Variants in CPNE4 observed in about 807,000 individuals in gnomAD.
CPNE4 encodes copine-4.
A neutral mutation model predicts 67.9 loss-of-function variants in CPNE4; 25 were observed. That is an observed-to-expected ratio of 0.37 (90% CI 0.27 to 0.51). The LOEUF (loss-of-function observed/expected upper bound fraction) is 0.51. Ranked by LOEUF, CPNE4 falls within the 20% of genes least tolerant of loss-of-function variation. CPNE4 has a pLI of 0.93. For missense variants in CPNE4, 464 were observed against 690.8 expected (o/e 0.67, Z 3.68); for synonymous variants, 242 against 244.9 (o/e 0.99, Z 0.11).
chr3:131,850,977 C>T (rs1188385448), intron 2 of CPNE4, among the ~76,000 whole-genome samples: 1 of 152,074 alleles, frequency 6.6e-6, no homozygotes, highest in Non-Finnish European at 1.5e-5. Context: ...TACCTCCTCC[C>T]ACTTCTCCCG....
At chr3:131,819,167 A>T (rs2107964046) in intron 2 of CPNE4, among the ~76,000 whole-genome samples, 1 of 152,298 alleles carries the variant, frequency 6.6e-6, no homozygotes, top group East Asian at 1.9e-4. Flanking sequence ...AAGATATACG[A>T]TTCCAAAAGT....
chr3:131,542,929 A>G (rs72997269), intron 14 of CPNE4, 136 bp from the exon 15 acceptor site: 14,803 of 638,178 alleles, frequency 0.023, 550 homozygotes, highest in African/African-American at 0.11. Context: ...CATTTTTTGA[A>G]TGTGCTGATA....
At chr3:131,733,370 C>T (rs2082168700) in intron 2 of CPNE4, among the ~76,000 whole-genome samples, 1 of 152,214 alleles carries the variant, frequency 6.6e-6, no homozygotes, top group African/African-American at 2.4e-5. Flanking sequence ...ACTTTCTCTT[C>T]CTCCTCTTGT....
chr3:131,594,620 G>C (rs1582862486), intron 7 of CPNE4, among the ~76,000 whole-genome samples: 1 of 152,144 alleles, frequency 6.6e-6, no homozygotes, highest in East Asian at 1.9e-4. Context: ...TAAGGATAAA[G>C]TCTTGACATT....
chr3:131,978,154 T>TAAAAAAGGA, intron 1 of CPNE4, among the ~76,000 whole-genome samples: 1 of 71,404 alleles, frequency 1.4e-5, no homozygotes, highest in Non-Finnish European at 2.2e-5. Flanking sequence ...ATATAAAATA[T>TAAAAAAGGA]ATAAATATAT....
At chr3:131,789,033 C>CAGAGAG (rs1253711177) in intron 2 of CPNE4, among the ~76,000 whole-genome samples, 61 of 144,324 alleles carry the variant, frequency 4.2e-4, no homozygotes, top group African/African-American at 1.5e-3. Context: ...CACACACACA[C>CAGAGAG]ACAGAGAGAG....
upstream of CPNE4, among the ~76,000 whole-genome samples, chr3:132,036,184 G>A (rs768011026): frequency 2.6e-5 from 4 of 152,110 alleles, no homozygotes; most frequent in Non-Finnish European, 5.9e-5. Flanking sequence ...CACTAAACAT[G>A]GACCCTGGAA....
chr3:131,723,668 TTTA>T (rs1400407244), intron 2 of CPNE4, 43 bp from the exon 3 acceptor site: 1 of 1,535,344 alleles, frequency 6.5e-7, no homozygotes, highest in African/African-American at 1.4e-5. Flanking sequence ...AAGGATTATT[TTTA>T]TTATTACCGT....
chr3:131,758,103 G>A (rs1291343914), intron 2 of CPNE4, among the ~76,000 whole-genome samples: 1 of 152,214 alleles, frequency 6.6e-6, no homozygotes, highest in Non-Finnish European at 1.5e-5. Flanking sequence ...CCCTACTGGG[G>A]CACCACCTAG....
intron 2 of CPNE4, among the ~76,000 whole-genome samples, chr3:131,798,349 T>A (rs1458823858): frequency 6.6e-6 from 1 of 152,154 alleles, no homozygotes; most frequent in Non-Finnish European, 1.5e-5. Context: ...ATGCAGGCAA[T>A]GCTCATTCAG....
rs2088614996 is a variant in CPNE4 at position 131,903,171 on chromosome 3, G to T, written c.180+2093C>A. On this transcript the variant is annotated intron_variant, in intron 2 of 15. Transcript: ENST00000429747. ...TCTCTTAGAGGGACACCTTCCGGCT[G>T]CTTATAAACAGGTGAGCATAGTATT... 2.0e-5 allele frequency among the ~76,000 whole-genome samples: 3 copies of T among 152,088 alleles called. No homozygotes were observed. The South Asian group carries it at 6.2e-4, about 31-fold the overall frequency.
chr3:131,882,628 G>A (rs567429491), intron 2 of CPNE4, among the ~76,000 whole-genome samples: 1 of 151,286 alleles, frequency 6.6e-6, no homozygotes, highest in East Asian at 1.9e-4. Flanking sequence ...AGACACTATT[G>A]TGCATTAAAT....
At chr3:131,720,971 A>G (rs2081868820) in intron 3 of CPNE4, among the ~76,000 whole-genome samples, 1 of 151,714 alleles carries the variant, frequency 6.6e-6, no homozygotes, top group Non-Finnish European at 1.5e-5. Flanking sequence ...ATGCACTCTC[A>G]CTCTCCCTTC....
At chr3:131,835,158 T>C (rs2085506851) in intron 2 of CPNE4, among the ~76,000 whole-genome samples, 1 of 152,188 alleles carries the variant, frequency 6.6e-6, no homozygotes, top group African/African-American at 2.4e-5. Flanking sequence ...GAGTTCCCTA[T>C]ATATTTTTGT....
intron 2 of CPNE4, among the ~76,000 whole-genome samples, chr3:131,793,858 C>G (rs960178538): frequency 6.6e-6 from 1 of 152,182 alleles, no homozygotes; most frequent in Non-Finnish European, 1.5e-5. Flanking sequence ...AGGAGTTACT[C>G]CTTGCATTCT....
intron 1 of CPNE4, among the ~76,000 whole-genome samples, chr3:131,983,499 T>C (rs2699857): frequency 0.55 from 83,053 of 151,916 alleles, 23,641 homozygotes; most frequent in African/African-American, 0.69. Flanking sequence ...AAGGCACTGA[T>C]TTCATGAAAT....
chr3:131,578,059 AT>A (rs1291017706), intron 9 of CPNE4, among the ~76,000 whole-genome samples: 7 of 152,132 alleles, frequency 4.6e-5, no homozygotes, highest in African/African-American at 1.7e-4. Context: ...ACATATATGT[AT>A]AGGTGTATCT....
intron 1 of CPNE4, among the ~76,000 whole-genome samples, chr3:132,017,079 T>C (rs1288643356): frequency 1.3e-5 from 2 of 152,142 alleles, no homozygotes; most frequent in Non-Finnish European, 2.9e-5. Flanking sequence ...AGGACAAAAA[T>C]GTCCCTCGGT....
chr3:131,600,532 A>G (rs1018173996), intron 7 of CPNE4, among the ~76,000 whole-genome samples: 2 of 152,174 alleles, frequency 1.3e-5, no homozygotes, highest in East Asian at 3.9e-4. Flanking sequence ...GATCTATTAT[A>G]AATATTGGGC....
Sources: gnomAD v4.1 joint callset for allele counts (sites outside exome capture counted in the v4.1 genomes callset) on GRCh38, gnomAD v4.1.1 for gene constraint, MANE v1.5 for transcripts, NCBI Gene and HGNC (gene_info 2026-07-23, HGNC 2026-07-21) for gene names.